ADAM12: variants seen among roughly 807,000 people sequenced by gnomAD.
ADAM12 encodes the protein ADAM metallopeptidase domain 12.
Under a neutral mutation model 106.4 loss-of-function variants are expected in ADAM12, and 70 were observed. The ratio of observed to expected loss-of-function variants is 0.66; its 90% CI spans 0.54 to 0.80. The LOEUF (loss-of-function observed/expected upper bound fraction) is 0.80, where lower values mean the gene tolerates loss of function less well. ADAM12 is among the 30% of genes least tolerant of loss of function. The pLI is 0.00. For synonymous variants in ADAM12, 420 were observed against 433.5 expected, an observed-to-expected ratio of 0.97 and a Z score of 0.39; for missense variants, 1,010 against 1,171.9, an observed-to-expected ratio of 0.86 and a Z score of 2.02.
intron 17 of ADAM12, among the ~76,000 whole-genome samples, chr10:126,045,650 G>A (rs963837082): frequency 3.9e-5 from 6 of 152,174 alleles, no homozygotes; most frequent in Admixed American, 2.6e-4. Context: ...AAGAACATGT[G>A]TTTAATATGA....
At chr10:126,141,291 G>T (rs894618187) in intron 4 of ADAM12, among the ~76,000 whole-genome samples, 3 of 152,168 alleles carry the variant, frequency 2.0e-5, no homozygotes, top group Admixed American at 1.3e-4. Flanking sequence ...AAACTGTATA[G>T]CCTCTTTCTT....
intron 21 of ADAM12, among the ~76,000 whole-genome samples, chr10:126,025,843 GA>G (rs751618402): frequency 1.1e-4 from 16 of 152,132 alleles, no homozygotes; most frequent in Non-Finnish European, 2.4e-4. Flanking sequence ...TCAACCCCAA[GA>G]CACATAATCA....
chr10:126,344,890 C>A (rs1452772429), intron 1 of ADAM12, among the ~76,000 whole-genome samples: 1 of 152,166 alleles, frequency 6.6e-6, no homozygotes, highest in Non-Finnish European at 1.5e-5. Flanking sequence ...TGAGACTTTG[C>A]TGAAGTTGCT....
chr10:126,099,135 G>T (rs1325172502), intron 9 of ADAM12, among the ~76,000 whole-genome samples: 1 of 152,184 alleles, frequency 6.6e-6, no homozygotes, highest in Non-Finnish European at 1.5e-5. Context: ...ACCTGATCAT[G>T]AATCTAATGA....
At chr10:126,212,015 G>A (rs368294917) in intron 3 of ADAM12, among the ~76,000 whole-genome samples, 43 of 152,312 alleles carry the variant, frequency 2.8e-4, no homozygotes, top group African/African-American at 8.9e-4. Flanking sequence ...GAGGGAATAA[G>A]GACTTACCTG....
At chr10:126,285,972 C>G in intron 2 of ADAM12, among the ~76,000 whole-genome samples, 1 of 77,942 alleles carries the variant, frequency 1.3e-5, no homozygotes. Flanking sequence ...GATTGATTTC[C>G]CTATTTTTTT....
chr10:126,202,815 G>T (rs1401997158), intron 3 of ADAM12, among the ~76,000 whole-genome samples: 1 of 152,088 alleles, frequency 6.6e-6, no homozygotes, highest in Admixed American at 6.6e-5. Flanking sequence ...ATCACTGCAG[G>T]TTCGCAGACG....
chr10:126,125,640 G>C (rs1169127471), intron 5 of ADAM12, among the ~76,000 whole-genome samples: 1 of 151,890 alleles, frequency 6.6e-6, no homozygotes, highest in Admixed American at 6.6e-5. Flanking sequence ...AGAGTCCCCA[G>C]GTCACTGCAG....
At chr10:126,325,403 G>A (rs1854264661) in intron 2 of ADAM12, among the ~76,000 whole-genome samples, 1 of 152,224 alleles carries the variant, frequency 6.6e-6, no homozygotes, top group Non-Finnish European at 1.5e-5. Context: ...GGCTGTGAAG[G>A]AAAGAATGGG....
chr10:126,364,801 A>T (rs1855856240), intron 1 of ADAM12, among the ~76,000 whole-genome samples: 2 of 152,162 alleles, frequency 1.3e-5, no homozygotes, highest in African/African-American at 4.8e-5. Flanking sequence ...CATTATTAAG[A>T]ATTTAAAGAG....
chr10:126,063,287 TC>T (rs371509713), intron 14 of ADAM12, among the ~76,000 whole-genome samples: 1 of 151,662 alleles, frequency 6.6e-6, no homozygotes, highest in Non-Finnish European at 1.5e-5. Context: ...CCCTTTCTTT[TC>T]CCCCCCAGAA....
At chr10:126,305,698 T>G (rs1960814618) in intron 2 of ADAM12, among the ~76,000 whole-genome samples, 1 of 152,122 alleles carries the variant, frequency 6.6e-6, no homozygotes, top group African/African-American at 2.4e-5. Context: ...TCTTTTTAAT[T>G]CTACAAATTT....
At chr10:126,097,700 A>T (rs892485687) in intron 10 of ADAM12, among the ~76,000 whole-genome samples, 2 of 152,182 alleles carry the variant, frequency 1.3e-5, no homozygotes, top group Non-Finnish European at 2.9e-5. Context: ...CAGAGCAGGG[A>T]CAGCATAGGG....
intron 3 of ADAM12, among the ~76,000 whole-genome samples, chr10:126,226,471 G>A (rs1296818538): frequency 8.5e-5 from 13 of 152,298 alleles, no homozygotes; most frequent in Admixed American, 6.5e-4. Flanking sequence ...CAATGGTGGC[G>A]CTGCTCCAGA....
rs149237041 is a variant in ADAM12 at position 126,209,724 on chromosome 10, T to C, written c.261-54419A>G. Among the ~76,000 whole-genome samples the C allele has an allele frequency of 1.2e-3, 189 of 152,334 alleles. 1 individual carries two copies. Among genetic ancestry groups the C allele is most frequent in the Admixed American group, 5.1e-3 (78 of 15,312 alleles). The stretch of plus-strand genomic sequence containing the variant: ...ACAAAACAAGGCCTATATTGTTATA[T>C]TGAATGCAGGTTTCAAACCACAGAG... On this transcript the variant is annotated intron_variant, in intron 3 of 22. Transcript: ENST00000448723.
At chr10:126,224,577 G>A (rs1039888740) in intron 3 of ADAM12, among the ~76,000 whole-genome samples, 13 of 152,200 alleles carry the variant, frequency 8.5e-5, no homozygotes, top group Admixed American at 2.6e-4. Context: ...CGGTGGGGGC[G>A]TTGCACGGCC....
intron 2 of ADAM12, among the ~76,000 whole-genome samples, chr10:126,285,433 A>C (rs1959807656): frequency 6.6e-6 from 1 of 152,236 alleles, no homozygotes; most frequent in Non-Finnish European, 1.5e-5. Context: ...GTATGCATGC[A>C]GGCATGTGCA....
chr10:126,162,744 G>A (rs559046478), intron 3 of ADAM12, among the ~76,000 whole-genome samples: 23 of 152,270 alleles, frequency 1.5e-4, no homozygotes, highest in East Asian at 3.9e-4. Flanking sequence ...CAGGAACTGC[G>A]TAACAGACTG....
At chr10:126,379,491 T>C (rs1362717033) in intron 1 of ADAM12, among the ~76,000 whole-genome samples, 3 of 151,790 alleles carry the variant, frequency 2.0e-5, no homozygotes, top group Non-Finnish European at 4.4e-5. Flanking sequence ...AGTTGAACAA[T>C]GAGAACACAT....
Sources: allele counts gnomAD v4.1 joint callset (sites outside exome capture counted in the v4.1 genomes callset), GRCh38; gene constraint gnomAD v4.1.1; transcripts MANE v1.5; gene names NCBI Gene and HGNC (gene_info 2026-07-23, HGNC 2026-07-21).